Variants in CA5B observed in about 807,000 individuals in gnomAD.
The protein encoded by CA5B is carbonic anhydrase 5B, mitochondrial.
In CA5B, 15 loss-of-function variants were observed where a neutral mutation model predicts 23.1. That is an observed-to-expected ratio of 0.65 (90% CI 0.43 to 1.00). The LOEUF (loss-of-function observed/expected upper bound fraction) is 1.00, where lower values mean the gene tolerates loss of function less well. Ranked by LOEUF, CA5B falls within the 50% of genes least tolerant of loss-of-function variation. The pLI is 0.00. For missense variants in CA5B, 236 were observed against 252.2 expected (o/e 0.94, Z 0.43); for synonymous variants, 84 against 98.5 (o/e 0.85, Z 0.87).
rs544130855 is a variant in CA5B, at chrX:15,787,042, C to T, written c.*4378C>T. The stretch of plus-strand genomic sequence containing the variant: ...GCCCTGGCTCCATTGTGAGCCAGTC[C>T]CCCAGGGCTCAAGAAAGCTGCCCAG... On this transcript the variant is annotated 3_prime_UTR_variant, in exon 8 of 8. Coordinates refer to ENST00000318636, the MANE Select transcript of CA5B (RefSeq NM_007220.4). 1 of 111,850 alleles carries T rather than the reference C, an allele frequency of 8.9e-6. No homozygotes were observed. The highest frequency in any genetic ancestry group is 4.5e-3 in the Middle Eastern group (1 of 220). The allele number at this position is 111,850 out of a possible 1,213,427, so 9.2% of individuals were successfully genotyped here.
At chrX:15,775,212 T>C in intron 5 of CA5B, 34 bp from the exon 6 acceptor site, 1 of 1,069,744 alleles carries the variant, frequency 9.3e-7, no homozygotes, top group East Asian at 3.0e-5. Flanking sequence ...AGATGTCCAT[T>C]GTTTGTAATA....
At position 15,786,351 on chromosome X, in the gene CA5B, T is replaced by G. The variant is rs1422463700; in HGVS notation, c.*3687T>G. ...TCCTGGTTTGCATGGCCAGCTTCCC[T>G]GCAGAGGTGATAGAAACTGACTTGA... On this transcript the variant is annotated 3_prime_UTR_variant, in exon 8 of 8. Transcript: ENST00000318636. The G allele has an allele frequency of 9.0e-6, 1 of 111,570 alleles. No homozygotes were observed. Among genetic ancestry groups the G allele is most frequent in the African/African-American group, 3.3e-5 (1 of 30,619 alleles). 9.2% of individuals were successfully genotyped at this position (111,570 alleles called of 1,213,427 possible). A position where few individuals can be genotyped will look rare whatever the true frequency, so the allele number is the denominator to read the frequency against.
At chrX:15,758,377 G>A (rs1931535632) in intron 2 of CA5B, among the ~76,000 whole-genome samples, 2 of 112,249 alleles carry the variant, frequency 1.8e-5, no homozygotes, top group South Asian at 3.7e-4. Context: ...TCTTTTATAA[G>A]GGTATTAATC....
At chrX:15,770,038 G>A (rs1931788262) in intron 3 of CA5B, among the ~76,000 whole-genome samples, 1 of 112,245 alleles carries the variant, frequency 8.9e-6, no homozygotes, top group South Asian at 3.6e-4. Context: ...ATCAGGCCAA[G>A]CATGATGGCT....
chrX:15,769,489 A>G, intron 3 of CA5B: 1 of 753,262 alleles, frequency 1.3e-6, no homozygotes, highest in Non-Finnish European at 1.6e-6. Context: ...GGCACTGTCA[A>G]CAGGCATTAA....
rs1003026293 is a variant in CA5B at position 15,775,256 on chromosome X, A to C, written c.566A>C (p.His189Pro). 88 of 1,194,738 alleles carry C rather than the reference A, an allele frequency of 7.4e-5. No homozygotes were observed. The highest frequency in any genetic ancestry group is 9.8e-5 in the Non-Finnish European group (87 of 884,390). The change falls in exon 6 of 8, where the codon CAT (histidine) becomes CCT (proline). Residue 189 changes from histidine to proline, a missense_variant. Physicochemically the swap from His to Pro is moderately conservative, Grantham distance 77. Transcript: ENST00000318636. ...VIGVFLKLGK[H>P]HKELQKLVDT... ...CTTGTTGTTCTTTAGCTAGGCAAAC[A>C]TCATAAGGAGCTACAGAAATTAGTG... is the stretch of plus-strand genomic sequence containing the variant.
intron 1 of CA5B, among the ~76,000 whole-genome samples, chrX:15,747,784 C>T (rs896029229): frequency 2.7e-5 from 3 of 111,363 alleles, no homozygotes; most frequent in African/African-American, 6.5e-5. Flanking sequence ...GCTAATGACG[C>T]GGCTTTGTTT....
At position 15,757,343 on chromosome X, in the gene CA5B, C is replaced by T. The variant is rs1931512017; in HGVS notation, c.142+7178C>T. ...GGCTACTGAAGACATGGTGAAATCCCGTCTCTACTAAAAAATAGAAAAATT... is the reference window on the plus strand; with the variant it reads ...GGCTACTGAAGACATGGTGAAATCCTGTCTCTACTAAAAAATAGAAAAATT... On this transcript the variant is annotated intron_variant, in intron 2 of 7. Coordinates refer to ENST00000318636, the MANE Select transcript of CA5B (RefSeq NM_007220.4). 2.7e-5 allele frequency among the ~76,000 whole-genome samples: 3 copies of T among 111,872 alleles called. No individual in the cohort carries two copies. In the Middle Eastern group the frequency reaches 0.014, roughly 516 times the overall value.
chrX:15,741,382 CAAAAAAAAAAAA>C (rs1291464062), intron 1 of CA5B, among the ~76,000 whole-genome samples: 1 of 36,287 alleles, frequency 2.8e-5, no homozygotes, highest in African/African-American at 1.0e-4. Context: ...GACCCTGTCT[CAAAAAAAAAAAA>C]AAAAAAAAAT....
chrX:15,739,396 G>C (rs1335332653), intron 1 of CA5B, among the ~76,000 whole-genome samples: 1 of 110,276 alleles, frequency 9.1e-6, no homozygotes, highest in East Asian at 2.8e-4. Flanking sequence ...CACTCTTCTT[G>C]GGTATGTTGG....
At chrX:15,762,646 C>G (rs1284625981) in intron 2 of CA5B, 1 of 279,806 alleles carries the variant, frequency 3.6e-6, no homozygotes, top group Non-Finnish European at 7.0e-6. Context: ...GTCTCGATCT[C>G]CTGACCTCGT....
In CA5B at chrX:15,776,793, C is replaced by T. The variant is rs777917470; in HGVS notation, c.698C>T (p.Ser233Phe). 1.7e-6 allele frequency: 2 copies of T among 1,207,299 alleles called. No individual in the cohort carries two copies. Among genetic ancestry groups the T allele is most frequent in the South Asian group, 1.8e-5 (1 of 56,922 alleles). Residue 233 changes from serine to phenylalanine, a missense_variant, in exon 7 of 8, where the codon TCT becomes TTT. Ser to Phe is a radical substitution (Grantham distance 155). Around this residue, in one of 3 missense-constraint regions of CA5B, gnomAD observed 170 missense variants for 162.0 expected, o/e 1.05. Coordinates refer to ENST00000318636, the MANE Select transcript of CA5B (RefSeq NM_007220.4). ...TCPDYWTYSGSLTTPPLSESV... is the reference protein window; with the variant it reads ...TCPDYWTYSGFLTTPPLSESV... ...CCAGATTACTGGACCTACTCAGGGT[C>T]TCTGACTACCCCACCCCTCTCCGAG...
At chrX:15,776,404 G>A (rs5980182) in intron 6 of CA5B, among the ~76,000 whole-genome samples, 35,461 of 108,545 alleles carry the variant, frequency 0.33, 5,685 homozygotes, top group Non-Finnish European at 0.49. Context: ...TGCACTGGCC[G>A]CTGTCTAAAA....
rs1473486870 is a variant in CA5B at position 15,745,185 on chromosome X, AAAG to A, written c.-53-4783_-53-4781del. Among the ~76,000 whole-genome samples, 92 of 100,230 alleles carry A rather than the reference AAAG, an allele frequency of 9.2e-4. 2 individuals carry two copies. Among genetic ancestry groups the A allele is most frequent in the African/African-American group, 3.5e-3 (87 of 24,846 alleles). The allele number at this position is 100,230 out of a possible 115,157, so 87.0% of individuals were successfully genotyped here. ...CTCTGTCTCAAAAAAAAAAAAAAAA[AAAG>A]AAAAGAAAAGAAAAGAAAAGAAAAA... On this transcript the variant is annotated intron_variant, in intron 1 of 7. Coordinates refer to ENST00000318636, the MANE Select transcript of CA5B (RefSeq NM_007220.4).
chrX:15,764,914 A>T, intron 3 of CA5B, 139 bp downstream of exon 3: 1 of 1,009,332 alleles, frequency 9.9e-7, no homozygotes, highest in Non-Finnish European at 1.3e-6. Flanking sequence ...TAACTTTTTG[A>T]ATGTGTGAAA....
In CA5B at chrX:15,738,628, A is replaced by G. The variant is rs747435150; in HGVS notation, c.-54+276A>G. 4.5e-5 allele frequency among the ~76,000 whole-genome samples: 5 copies of G among 110,716 alleles called. No homozygotes were observed. The Admixed American group carries it at 4.8e-4, about 11-fold the overall frequency. ...TTTAAGGTTCTTTGCACAGGACGCG[A>G]TAACAGCTGTTCCAGAGAAAAGGGG... is the stretch of plus-strand genomic sequence containing the variant. On this transcript the variant is annotated intron_variant, in intron 1 of 7. Transcript: ENST00000318636.
At chrX:15,754,092 C>G (rs1365535104) in intron 2 of CA5B, among the ~76,000 whole-genome samples, 2 of 111,675 alleles carry the variant, frequency 1.8e-5, no homozygotes, top group African/African-American at 6.5e-5. Context: ...TGCCTAAACT[C>G]TAAAGGGAGG....
intron 2 of CA5B, among the ~76,000 whole-genome samples, chrX:15,756,892 A>G: frequency 9.4e-6 from 1 of 106,185 alleles, no homozygotes; most frequent in East Asian, 3.0e-4. Context: ...GTCTCTACTA[A>G]AAATACAAAA....
chrX:15,781,083 C>G, intron 7 of CA5B, among the ~76,000 whole-genome samples: 1 of 109,892 alleles, frequency 9.1e-6, no homozygotes. Context: ...CGGCTCACTG[C>G]AACCTCCACC....
Sources: allele counts gnomAD v4.1 joint callset (sites outside exome capture counted in the v4.1 genomes callset), GRCh38; gene constraint gnomAD v4.1.1; regional missense constraint gnomAD v4.1.1; transcripts MANE v1.5; gene names NCBI Gene and HGNC (gene_info 2026-07-23, HGNC 2026-07-21).